The following MGAT4C variants were observed in gnomAD, a reference collection of about 807,000 sequenced individuals.
MGAT4C encodes alpha-1,3-mannosyl-glycoprotein 4-beta-N-acetylglucosaminyltransferase C.
MGAT4C carries 19 observed loss-of-function variants against 40.1 expected under a neutral mutation model. The observed-to-expected ratio is 0.47, with a 90% CI of 0.33 to 0.70. The LOEUF is 0.70. MGAT4C is among the 30% of genes least tolerant of loss of function. MGAT4C has a pLI of 0.02. For synonymous variants in MGAT4C, 181 were observed against 187.1 expected, an observed-to-expected ratio of 0.97 and a Z score of 0.27; for missense variants, 491 against 563.2, an observed-to-expected ratio of 0.87 and a Z score of 1.30.
intron 1 of MGAT4C, among the ~76,000 whole-genome samples, chr12:86,753,846 A>T (rs1348810553): frequency 1.3e-5 from 2 of 152,136 alleles, no homozygotes; most frequent in Non-Finnish European, 2.9e-5. Context: ...AGATTTAAAA[A>T]GATTGACCAT....
chr12:86,326,040 C>A (rs1366815575), intron 4 of MGAT4C, among the ~76,000 whole-genome samples: 1 of 151,824 alleles, frequency 6.6e-6, no homozygotes, highest in Non-Finnish European at 1.5e-5. Flanking sequence ...TAACTGTGAG[C>A]AAATTATATT....
At chr12:86,230,887 T>C (rs1951292129) in intron 1 of MGAT4C, among the ~76,000 whole-genome samples, 1 of 152,026 alleles carries the variant, frequency 6.6e-6, no homozygotes, top group African/African-American at 2.4e-5. Flanking sequence ...TTTTTTACTT[T>C]TTTCCTAATT....
chr12:85,965,649 C>T lies in MGAT4C; in HGVS notation c.*13640G>A, dbSNP rs1339251436. On this transcript the variant is annotated 3_prime_UTR_variant, in exon 5 of 5. Transcript: ENST00000611864. ...CACTCTGAACAATTGAACAAGACTA[C>T]GCTGAAAGGCAGAGAAGAAGTAATT... The T allele has an allele frequency of 1.4e-5, 2 of 145,324 alleles. No individual in the cohort carries two copies. The highest frequency in any genetic ancestry group is 3.0e-5 in the Non-Finnish European group (2 of 66,320). The allele number at this position is 145,324 out of a possible 1,614,324, so 9.0% of individuals were successfully genotyped here. A position where few individuals can be genotyped will look rare whatever the true frequency, so the allele number is the denominator to read the frequency against.
rs141348717 is a variant in MGAT4C, at chr12:86,700,336, G to C, written c.-229+26873C>G. Among the ~76,000 whole-genome samples, 12 of 149,628 alleles carry C rather than the reference G, an allele frequency of 8.0e-5. No homozygotes were observed. The East Asian group carries it at 2.3e-3, about 29-fold the overall frequency. ...AGAGTTAATTTTAGAGAGAGAGACTGTGTGTGTGTGTGTGTGTAAGCTCAG... is the reference window on the plus strand; with the variant it reads ...AGAGTTAATTTTAGAGAGAGAGACTCTGTGTGTGTGTGTGTGTAAGCTCAG... On this transcript the variant is annotated intron_variant, in intron 2 of 7. Transcript: ENST00000548651.
chr12:86,272,979 T>A (rs1952986930), intron 4 of MGAT4C, among the ~76,000 whole-genome samples: 1 of 152,196 alleles, frequency 6.6e-6, no homozygotes, highest in Admixed American at 6.5e-5. Flanking sequence ...ACATAGCTCT[T>A]TTTTAATATT....
chr12:86,425,287 G>T (rs1956904767), intron 3 of MGAT4C, among the ~76,000 whole-genome samples: 1 of 152,114 alleles, frequency 6.6e-6, no homozygotes, highest in South Asian at 2.1e-4. Context: ...TTGAGGGAGG[G>T]ACCTGGTGGG....
At chr12:86,406,962 T>C (rs1186638464) in intron 3 of MGAT4C, among the ~76,000 whole-genome samples, 2 of 152,200 alleles carry the variant, frequency 1.3e-5, no homozygotes, top group Admixed American at 1.3e-4. Flanking sequence ...TCCCATACGA[T>C]TGTCCTCATT....
At chr12:86,741,971 T>C (rs1220057327) in intron 1 of MGAT4C, among the ~76,000 whole-genome samples, 1 of 151,470 alleles carries the variant, frequency 6.6e-6, no homozygotes, top group Non-Finnish European at 1.5e-5. Flanking sequence ...TTTTCACATA[T>C]TTGATTATGT....
chr12:86,632,877 G>C (rs567440244), intron 2 of MGAT4C, among the ~76,000 whole-genome samples: 1 of 152,132 alleles, frequency 6.6e-6, no homozygotes, highest in South Asian at 2.1e-4. Context: ...TGCATGTTGT[G>C]CAAATGTACA....
chr12:86,820,709 A>G (rs1952690562), intron 1 of MGAT4C, among the ~76,000 whole-genome samples: 1 of 151,044 alleles, frequency 6.6e-6, no homozygotes, highest in South Asian at 2.1e-4. Flanking sequence ...GGTTTATAAG[A>G]AGATGAAAGA....
intron 1 of MGAT4C, among the ~76,000 whole-genome samples, chr12:86,143,124 T>C (rs1388085469): frequency 4.6e-5 from 7 of 152,136 alleles, no homozygotes; most frequent in African/African-American, 1.7e-4. Context: ...AAGAAAGAAA[T>C]TTGTGTTGGT....
chr12:86,015,161 T>C (rs2136837698), intron 2 of MGAT4C, among the ~76,000 whole-genome samples: 1 of 151,792 alleles, frequency 6.6e-6, no homozygotes, highest in South Asian at 2.1e-4. Context: ...ACAAAGTTTG[T>C]TCTGTTTTGT....
At chr12:86,273,210 C>T (rs1382255102) in intron 4 of MGAT4C, among the ~76,000 whole-genome samples, 1 of 152,130 alleles carries the variant, frequency 6.6e-6, no homozygotes, top group Non-Finnish European at 1.5e-5. Context: ...TACTGGATTA[C>T]AATTCTGACT....
intron 4 of MGAT4C, among the ~76,000 whole-genome samples, chr12:86,305,272 T>C (rs1349065190): frequency 6.7e-6 from 1 of 149,684 alleles, no homozygotes; most frequent in Non-Finnish European, 1.5e-5. Context: ...AAACACCATC[T>C]CTACTAAAAA....
chr12:86,343,512 A>G lies in MGAT4C; in HGVS notation c.-119-9385T>C, dbSNP rs141477789. ...CTTGGAAAAACATATATTTTATTGTATATTTTCCTTTAAGCCTATTGCCCA... is the reference window on the plus strand; with the variant it reads ...CTTGGAAAAACATATATTTTATTGTGTATTTTCCTTTAAGCCTATTGCCCA... On this transcript the variant is annotated intron_variant, in intron 3 of 7. Transcript: ENST00000548651. Among the ~76,000 whole-genome samples, 490 of 152,286 alleles carry G rather than the reference A, an allele frequency of 3.2e-3. 3 individuals carry two copies. The highest frequency in any genetic ancestry group is 0.011 in the African/African-American group (470 of 41,540).
intron 1 of MGAT4C, among the ~76,000 whole-genome samples, chr12:86,790,583 G>A (rs1952005606): frequency 6.6e-6 from 1 of 151,920 alleles, no homozygotes; most frequent in Non-Finnish European, 1.5e-5. Flanking sequence ...ACCAATCCTG[G>A]TTGACTGAAT....
intron 2 of MGAT4C, among the ~76,000 whole-genome samples, chr12:86,572,082 A>G (rs1426364639): frequency 6.6e-6 from 1 of 152,120 alleles, no homozygotes; most frequent in African/African-American, 2.4e-5. Context: ...TATGCATTGG[A>G]CAAGGATGGA....
intron 2 of MGAT4C, among the ~76,000 whole-genome samples, chr12:86,034,287 C>A (rs1169940750): frequency 6.7e-6 from 1 of 149,402 alleles, no homozygotes; most frequent in East Asian, 1.9e-4. Context: ...AGGAAGGAGT[C>A]CCTTCTCTTC....
chr12:86,175,654 T>C (rs1250785459), intron 1 of MGAT4C, among the ~76,000 whole-genome samples: 1 of 151,922 alleles, frequency 6.6e-6, no homozygotes, highest in Non-Finnish European at 1.5e-5. Flanking sequence ...GGTATCAGGA[T>C]CACCTAAATA....
Sources: allele counts gnomAD v4.1 joint callset (sites outside exome capture counted in the v4.1 genomes callset), GRCh38; gene constraint gnomAD v4.1.1; transcripts MANE v1.5; gene names NCBI Gene and HGNC (gene_info 2026-07-23, HGNC 2026-07-21).